Variants in RSPH9 observed in about 807,000 individuals in gnomAD.
RSPH9 encodes radial spoke head component 9.
In RSPH9, 27 loss-of-function variants were observed where a neutral mutation model predicts 27.0. The observed-to-expected ratio is 1.00, with a 90% CI of 0.74 to 1.38. The LOEUF (loss-of-function observed/expected upper bound fraction) is 1.38, where lower values mean the gene tolerates loss of function less well. Ranked by LOEUF, RSPH9 falls within the 40% of genes most tolerant of loss-of-function variation. The pLI, the probability that RSPH9 is intolerant of heterozygous loss-of-function variation, is 0.00. For synonymous variants in RSPH9, 145 were observed against 147.7 expected (o/e 0.98, Z 0.13); for missense variants, 347 against 357.4 (o/e 0.97, Z 0.24).
chr6:43,670,049 G>C (rs1408064282), intron 4 of RSPH9, among the ~76,000 whole-genome samples: 1 of 152,226 alleles, frequency 6.6e-6, no homozygotes, highest in South Asian at 2.1e-4. Flanking sequence ...AGAGGCTTCA[G>C]GAAATGGGGA....
intron 1 of RSPH9, among the ~76,000 whole-genome samples, chr6:43,646,678 A>AAG (rs1330270866): frequency 2.0e-5 from 3 of 150,436 alleles, no homozygotes; most frequent in African/African-American, 4.9e-5. Context: ...AAAAAAAAAA[A>AAG]AAGGCAGGGT....
intron 4 of RSPH9, among the ~76,000 whole-genome samples, chr6:43,663,960 C>G (rs1401693133): frequency 6.8e-6 from 1 of 147,552 alleles, no homozygotes; most frequent in Non-Finnish European, 1.5e-5. Context: ...ACCTTGGAGG[C>G]AGAGGTGGCA....
At position 43,672,001 on chromosome 6, in the gene RSPH9, T is replaced by A. The variant is rs1226290772; in HGVS notation, c.*1052T>A. 7.3e-7 allele frequency: 1 copy of A among 1,374,510 alleles called. No individual in the cohort carries two copies. Among genetic ancestry groups the A allele is most frequent in the African/African-American group, 1.5e-5 (1 of 68,232 alleles). 85.1% of individuals were successfully genotyped at this position (1,374,510 alleles called of 1,614,324 possible). ...CTACCTCCTCAGGCCAGGCCACGGT[T>A]GGGCAAGCAAATCCTTTCACCAGTT... On this transcript the variant is annotated 3_prime_UTR_variant, in exon 5 of 5. Coordinates refer to ENST00000372163, the MANE Select transcript of RSPH9 (RefSeq NM_152732.5).
At chr6:43,647,323 G>A (rs1309189166) in intron 1 of RSPH9, among the ~76,000 whole-genome samples, 1 of 152,162 alleles carries the variant, frequency 6.6e-6, no homozygotes, top group Non-Finnish European at 1.5e-5. Context: ...GCCATGAGGA[G>A]CTACTGAGGG....
chr6:43,662,273 T>C (rs1772706815), intron 4 of RSPH9, among the ~76,000 whole-genome samples: 2 of 152,218 alleles, frequency 1.3e-5, no homozygotes, highest in South Asian at 4.1e-4. Context: ...CCTTGCTCTG[T>C]ATTAGGCTGT....
At chr6:43,669,118 T>C (rs959587155) in intron 4 of RSPH9, among the ~76,000 whole-genome samples, 2 of 152,154 alleles carry the variant, frequency 1.3e-5, no homozygotes, top group African/African-American at 4.8e-5. Context: ...AAATACTCCT[T>C]CTCAGGGGCA....
Position 43,655,576 on chromosome 6 carries a change from A to G in RSPH9, c.408A>G (p.Glu136=). The G allele has an allele frequency of 6.2e-7, 1 of 1,613,462 alleles. No individual in the cohort carries two copies. Among genetic ancestry groups the G allele is most frequent in the South Asian group, 1.1e-5 (1 of 91,072 alleles). Residue 136 remains glutamate, a synonymous_variant, in exon 3 of 5, where the codon GAA becomes GAG. Transcript: ENST00000372163. ...FEEEIVVQIK[E]ETRLVSVIDQ... is the part of the protein sequence containing the mutation. ...TGTCTCCTCAGGTCCAGATCAAGGA[A>G]GAGACCCGCTTGGTGTCTGTCATTG...
chr6:43,645,337 C>T lies in RSPH9; in HGVS notation c.227+12C>T, dbSNP rs775214384. 3.5e-6 allele frequency: 5 copies of T among 1,431,416 alleles called. No homozygotes were observed. The highest frequency in any genetic ancestry group is 3.7e-5 in the Admixed American group (2 of 54,312). 88.7% of individuals were successfully genotyped at this position (1,431,416 alleles called of 1,614,324 possible). A position where few individuals can be genotyped will look rare whatever the true frequency, so the allele number is the denominator to read the frequency against. ...AAGACGCTCTATAGGTGAGGAGGCC[C>T]CCGGGACGGGCTCCCCAGAGGGTGG... is the stretch of plus-strand genomic sequence containing the variant. On this transcript the variant is annotated intron_variant, in intron 1 of 4. Transcript: ENST00000372163.
At chr6:43,655,512 G>T (rs1434517176) in intron 2 of RSPH9, 50 bp from the exon 3 acceptor site, 1 of 1,610,994 alleles carries the variant, frequency 6.2e-7, no homozygotes, top group South Asian at 1.1e-5. Context: ...TTGCGCCGGG[G>T]TGCCTGGGCA....
In RSPH9 at chr6:43,671,556, CCCTG is replaced by C; in HGVS notation, c.*615_*618del. ...TAGCAGCTGGCAAGGGACCCAACTG[CCCTG>C]CCTGCCTCTAGCTCCCAGCATTGCT... On this transcript the variant is annotated 3_prime_UTR_variant, in exon 5 of 5. Transcript: ENST00000372163. 1.6e-6 allele frequency: 1 copy of C among 618,028 alleles called. No homozygotes were observed. Among genetic ancestry groups the C allele is most frequent in the Non-Finnish European group, 2.8e-6 (1 of 355,268 alleles). 38.3% of individuals were successfully genotyped at this position (618,028 alleles called of 1,614,324 possible).
chr6:43,672,024 G>T lies in RSPH9; in HGVS notation c.*1075G>T. On this transcript the variant is annotated 3_prime_UTR_variant, in exon 5 of 5. Coordinates refer to ENST00000372163, the MANE Select transcript of RSPH9 (RefSeq NM_152732.5). ...GTTGGGCAAGCAAATCCTTTCACCA[G>T]TTTCCCTTTCCTGAAGTGCAGGGAT... 1 of 1,222,056 alleles carries T rather than the reference G, an allele frequency of 8.2e-7. No homozygotes were observed. Among genetic ancestry groups the T allele is most frequent in the Non-Finnish European group, 1.1e-6 (1 of 898,926 alleles). The allele number at this position is 1,222,056 out of a possible 1,614,324, so 75.7% of individuals were successfully genotyped here. A position where few individuals can be genotyped will look rare whatever the true frequency, so the allele number is the denominator to read the frequency against.
rs577620384 is a variant in RSPH9 at position 43,656,242 on chromosome 6, C to T, written c.524-335C>T. 2.8e-4 allele frequency among the ~76,000 whole-genome samples: 42 copies of T among 152,184 alleles called. No individual in the cohort carries two copies. In the South Asian group the frequency reaches 7.7e-3, roughly 28 times the overall value. ...CTGGGATTACAGACACCCTCTACCA[C>T]GCTCGGCTAATTTTTGTATTTTTAG... is the stretch of plus-strand genomic sequence containing the variant. On this transcript the variant is annotated intron_variant, in intron 3 of 4. Coordinates refer to ENST00000372163, the MANE Select transcript of RSPH9 (RefSeq NM_152732.5).
intron 1 of RSPH9, among the ~76,000 whole-genome samples, chr6:43,646,627 C>T (rs531734704): frequency 6.0e-4 from 88 of 146,110 alleles, no homozygotes; most frequent in Non-Finnish European, 1.1e-3. Flanking sequence ...GCAGTCCATT[C>T]GGCCAGCCTG....
chr6:43,651,975 C>A (rs1771520211), intron 2 of RSPH9, among the ~76,000 whole-genome samples: 1 of 152,052 alleles, frequency 6.6e-6, no homozygotes, highest in South Asian at 2.1e-4. Context: ...AATGTAGGAT[C>A]TTGGGCCCCA....
At position 43,653,379 on chromosome 6, in the gene RSPH9, G is replaced by A. The variant is rs191430671; in HGVS notation, c.394-2183G>A. Among the ~76,000 whole-genome samples the A allele has an allele frequency of 7.2e-3, 1,090 of 150,592 alleles. 17 individuals carry two copies. Among genetic ancestry groups the A allele is most frequent in the African/African-American group, 0.025 (1,029 of 40,698 alleles). Reference sequence around the variant, plus strand: ...GGAGAATGGCTTGAATCCGGGAGGCGGAGGTTGCAGTGAGCCAAGATCGCG... The same window carrying A: ...GGAGAATGGCTTGAATCCGGGAGGCAGAGGTTGCAGTGAGCCAAGATCGCG... On this transcript the variant is annotated intron_variant, in intron 2 of 4. Coordinates refer to ENST00000372163, the MANE Select transcript of RSPH9 (RefSeq NM_152732.5).
In RSPH9 at chr6:43,671,124, T is replaced by C. The variant is rs1425892962; in HGVS notation, c.*175T>C. The C allele has an allele frequency of 4.1e-6, 3 of 731,826 alleles. No individual in the cohort carries two copies. The highest frequency in any genetic ancestry group is 2.7e-5 in the East Asian group (1 of 37,010). 45.3% of individuals were successfully genotyped at this position (731,826 alleles called of 1,614,324 possible). A position where few individuals can be genotyped will look rare whatever the true frequency, so the allele number is the denominator to read the frequency against. On this transcript the variant is annotated 3_prime_UTR_variant, in exon 5 of 5. Transcript: ENST00000372163. ...ATTTCTAAACCAAGTGGCAGAGGGG[T>C]TGGAATGTGCTAATGAAAGAGATTC...
At chr6:43,668,235 T>C (rs1444632939) in intron 4 of RSPH9, among the ~76,000 whole-genome samples, 1 of 151,874 alleles carries the variant, frequency 6.6e-6, no homozygotes, top group Non-Finnish European at 1.5e-5. Context: ...AGTAAGAAAG[T>C]GGGTGAAGGT....
At chr6:43,658,303 A>AG (rs113419266) in intron 4 of RSPH9, among the ~76,000 whole-genome samples, 22,641 of 141,266 alleles carry the variant, frequency 0.16, 4,709 homozygotes, top group African/African-American at 0.51. Context: ...AAAAAAAAAA[A>AG]AAAAAAAGAA....
Position 43,672,348 on chromosome 6 carries a change from G to T in RSPH9, c.*1399G>T, listed in dbSNP as rs1773770906. ...CCCAACCTTCAGGGAACTCCCCAGGGTACTATAACTGGTATAAGACCCCTG... is the reference window on the plus strand; with the variant it reads ...CCCAACCTTCAGGGAACTCCCCAGGTTACTATAACTGGTATAAGACCCCTG... On this transcript the variant is annotated 3_prime_UTR_variant, in exon 5 of 5. Transcript: ENST00000372163. 1 of 472,782 alleles carries T rather than the reference G, an allele frequency of 2.1e-6. No homozygotes were observed. The highest frequency in any genetic ancestry group is 1.5e-5 in the South Asian group (1 of 64,564). The allele number at this position is 472,782 out of a possible 1,614,324, so 29.3% of individuals were successfully genotyped here.
Sources: gnomAD v4.1 joint callset for allele counts (sites outside exome capture counted in the v4.1 genomes callset) on GRCh38, gnomAD v4.1.1 for gene constraint, MANE v1.5 for transcripts, NCBI Gene and HGNC (gene_info 2026-07-23, HGNC 2026-07-21) for gene names.